Variants in DHDDS observed in about 807,000 individuals in gnomAD.
DHDDS encodes dehydrodolichyl diphosphate synthase subunit.
Under a neutral mutation model 46.2 loss-of-function variants are expected in DHDDS, and 16 were observed. The observed-to-expected ratio is 0.35, with a 90% CI of 0.23 to 0.53. The LOEUF is 0.53. DHDDS is among the 20% of genes least tolerant of loss of function. The pLI is 0.94. For synonymous variants in DHDDS, 151 were observed against 163.1 expected (o/e 0.93, Z 0.56); for missense variants, 340 against 423.7 (o/e 0.80, Z 1.73).
At chr1:26,461,383 CTTTT>C (rs71581068) in intron 8 of DHDDS, among the ~76,000 whole-genome samples, 1 of 136,478 alleles carries the variant, frequency 7.3e-6, no homozygotes, top group Non-Finnish European at 1.6e-5. Context: ...ACATAGAATA[CTTTT>C]TTTTTTTTTT....
chr1:26,468,813 C>A, intron 8 of DHDDS, 82 bp from the exon 9 acceptor site: 3 of 1,333,650 alleles, frequency 2.2e-6, no homozygotes, highest in South Asian at 1.3e-5. Context: ...CACCCTGTGC[C>A]CCACCCCCTA....
chr1:26,459,302 C>G (rs192611472), intron 7 of DHDDS, among the ~76,000 whole-genome samples: 1 of 135,562 alleles, frequency 7.4e-6, no homozygotes, highest in Non-Finnish European at 1.6e-5. Flanking sequence ...AACAGGCTAT[C>G]GGACAACTAG....
At chr1:26,468,820 C>A in intron 8 of DHDDS, 75 bp from the exon 9 acceptor site, 2 of 1,536,120 alleles carry the variant, frequency 1.3e-6, no homozygotes, top group South Asian at 1.2e-5. Context: ...TGCCCCACCC[C>A]CTACCTCCTC....
intron 5 of DHDDS, among the ~76,000 whole-genome samples, chr1:26,447,027 G>C (rs980062776): frequency 6.6e-6 from 1 of 152,284 alleles, no homozygotes; most frequent in Admixed American, 6.5e-5. Flanking sequence ...AGGGGAGAGG[G>C]TTAGGACGGC....
At chr1:26,444,426 G>T (rs1267946169) in intron 4 of DHDDS, among the ~76,000 whole-genome samples, 1 of 152,198 alleles carries the variant, frequency 6.6e-6, no homozygotes, top group African/African-American at 2.4e-5. Context: ...TGTTTCATCA[G>T]TTGGGAAACT....
chr1:26,442,977 CTT>C (rs1257504582), intron 4 of DHDDS, 104 bp downstream of exon 4: 12 of 1,573,804 alleles, frequency 7.6e-6, no homozygotes, highest in Non-Finnish European at 1.0e-5. Context: ...ACTTGCAACT[CTT>C]TTTAATGTTA....
At chr1:26,451,783 C>A (rs1327738055) in intron 6 of DHDDS, among the ~76,000 whole-genome samples, 1 of 152,046 alleles carries the variant, frequency 6.6e-6, no homozygotes, top group African/African-American at 2.4e-5. Context: ...CGCCTGCCAC[C>A]CCGCCTGGCT....
At position 26,469,224 on chromosome 1, in the gene DHDDS, TAATG is replaced by T. The variant is rs2075527576; in HGVS notation, c.*98_*101del. 2 of 1,598,922 alleles carry T rather than the reference TAATG, an allele frequency of 1.3e-6. No individual in the cohort carries two copies. The highest frequency in any genetic ancestry group is 1.7e-6 in the Non-Finnish European group (2 of 1,178,306). ...TGGTGAAAGGCACCTCCTTTCCTGA[TAATG>T]AATGGTGTTCCCTTTGCTTGGCTGG... On this transcript the variant is annotated 3_prime_UTR_variant, in exon 9 of 9. Coordinates refer to ENST00000236342, the MANE Select transcript of DHDDS (RefSeq NM_205861.3).
At chr1:26,458,028 G>T (rs927460440) in intron 7 of DHDDS, 123 bp downstream of exon 7, 13 of 799,756 alleles carry the variant, frequency 1.6e-5, no homozygotes, top group Non-Finnish European at 2.8e-5. Flanking sequence ...TCTGGGGAAA[G>T]CTAAAATCTG....
chr1:26,442,658 G>T, intron 3 of DHDDS, 73 bp from the exon 4 acceptor site: 1 of 1,595,800 alleles, frequency 6.3e-7, no homozygotes, highest in Non-Finnish European at 8.6e-7. Context: ...TCTGAGTCAG[G>T]ACCAAAAAGT....
intron 4 of DHDDS, among the ~76,000 whole-genome samples, chr1:26,443,554 A>C (rs1390821378): frequency 6.9e-6 from 1 of 145,220 alleles, no homozygotes; most frequent in Non-Finnish European, 1.5e-5. Context: ...CAAAGTATGG[A>C]GCCCTTACCA....
rs908117770 is a variant in DHDDS at position 26,454,813 on chromosome 1, C to T, written c.543-2978C>T. ...CATGAGCTCTGTAGGTCCAGCGGCA[C>T]ATCTTAGGTGCTTTGTTCACTTGGA... On this transcript the variant is annotated intron_variant, in intron 6 of 8. Coordinates refer to ENST00000236342, the MANE Select transcript of DHDDS (RefSeq NM_205861.3). 101 of 1,580,456 alleles carry T rather than the reference C, an allele frequency of 6.4e-5. No homozygotes were observed. In the Middle Eastern group the frequency reaches 1.1e-3, roughly 18 times the overall value.
chr1:26,435,999 C>T (rs1025746006), intron 2 of DHDDS, among the ~76,000 whole-genome samples: 10 of 152,122 alleles, frequency 6.6e-5, no homozygotes, highest in African/African-American at 2.2e-4. Flanking sequence ...ATCCACCCAC[C>T]TTGGCCTCCC....
chr1:26,453,299 C>T (rs941327667), intron 6 of DHDDS, among the ~76,000 whole-genome samples: 3 of 151,932 alleles, frequency 2.0e-5, no homozygotes, highest in Admixed American at 2.0e-4. Context: ...ATTTCTTTAA[C>T]CAGTCTTCTA....
At chr1:26,468,390 C>T (rs1368926576) in intron 8 of DHDDS, among the ~76,000 whole-genome samples, 1 of 152,118 alleles carries the variant, frequency 6.6e-6, no homozygotes, top group African/African-American at 2.4e-5. Context: ...AAGAATAGGA[C>T]CTTTCTTGCA....
intron 7 of DHDDS, 108 bp downstream of exon 7, chr1:26,458,013 G>C: frequency 1.1e-6 from 1 of 927,630 alleles, no homozygotes. Flanking sequence ...TGGGGCCAGA[G>C]TACTTCTGGG....
intron 8 of DHDDS, among the ~76,000 whole-genome samples, chr1:26,461,945 T>G (rs1269406676): frequency 6.6e-6 from 1 of 152,188 alleles, no homozygotes; most frequent in African/African-American, 2.4e-5. Flanking sequence ...AACTAAAACT[T>G]TACCCTTTTT....
chr1:26,441,165 C>T lies in DHDDS; in HGVS notation c.181-1566C>T, dbSNP rs1393789450. 7.9e-5 allele frequency among the ~76,000 whole-genome samples: 12 copies of T among 151,872 alleles called. No individual in the cohort carries two copies. In the East Asian group the frequency reaches 1.2e-3, roughly 15 times the overall value. ...GTCTTGAACTCCTGACCTCGTGATC[C>T]GCCTGCCTTGGCCTCCCAAAGTGCT... On this transcript the variant is annotated intron_variant, in intron 3 of 8. Coordinates refer to ENST00000236342, the MANE Select transcript of DHDDS (RefSeq NM_205861.3).
intron 6 of DHDDS, 101 bp from the exon 7 acceptor site, chr1:26,457,690 T>C: frequency 1.1e-6 from 1 of 882,810 alleles, no homozygotes; most frequent in Non-Finnish European, 1.9e-6. Context: ...TGGTATTGTA[T>C]AAACTGAGAA....
Sources: gnomAD v4.1 joint callset for allele counts (sites outside exome capture counted in the v4.1 genomes callset) on GRCh38, gnomAD v4.1.1 for gene constraint, MANE v1.5 for transcripts, NCBI Gene and HGNC (gene_info 2026-07-23, HGNC 2026-07-21) for gene names.